RYR3: variants seen among roughly 807,000 people sequenced by gnomAD.
The protein encoded by RYR3 is brain ryanodine receptor-calcium release channel.
Under a neutral mutation model 584.3 loss-of-function variants are expected in RYR3, and 207 were observed. The observed-to-expected ratio is 0.35, with a 90% confidence interval of 0.32 to 0.40. The LOEUF (loss-of-function observed/expected upper bound fraction) is 0.40. Ranked by LOEUF, RYR3 falls within the 10% of genes least tolerant of loss-of-function variation. The pLI, the probability that RYR3 is intolerant of heterozygous loss-of-function variation, is 1.00. For synonymous variants in RYR3, 2,416 were observed against 2,248.5 expected, an observed-to-expected ratio of 1.07 and a Z score of -2.11; for missense variants, 5,616 against 6,089.2, an observed-to-expected ratio of 0.92 and a Z score of 2.59.
At chr15:33,492,750 G>A (rs1317718222) in intron 2 of RYR3, among the ~76,000 whole-genome samples, 2 of 152,088 alleles carry the variant, frequency 1.3e-5, no homozygotes, top group Non-Finnish European at 1.5e-5. Context: ...TGAGGAGACA[G>A]CCCCACCTCT....
Position 33,748,513 on chromosome 15 carries a change from C to G in RYR3, c.8182C>G (p.Leu2728Val). The G allele has an allele frequency of 6.2e-7, 1 of 1,613,018 alleles. No homozygotes were observed. Among genetic ancestry groups the G allele is most frequent in the Non-Finnish European group, 8.5e-7 (1 of 1,179,574 alleles). Residue 2728 changes from leucine (L) to valine (V), a missense_variant, in exon 55 of 104, where the codon CTC (leucine) becomes GTC (valine). Leu to Val is a conservative substitution (Grantham distance 32). This residue lies in a region of RYR3 where 1,280 missense variants were observed against 1,426.2 expected (regional missense o/e 0.90). Coordinates refer to ENST00000634891, the MANE Select transcript of RYR3 (RefSeq NM_001036.6). ...TCCCCTCGACCTCTCAAACGTTGTG[C>G]TCTCCAGAGAGCTCCAGGTCAGTGC... Reference protein sequence around the residue: ...PAPLDLSNVVLSRELQGMVEV... With the variant: ...PAPLDLSNVVVSRELQGMVEV...
At chr15:33,860,188 C>G (rs190194371) in intron 100 of RYR3, among the ~76,000 whole-genome samples, 11 of 152,114 alleles carry the variant, frequency 7.2e-5, no homozygotes, top group Admixed American at 2.0e-4. Flanking sequence ...GTGGAGGAAC[C>G]TGTAAGACAT....
chr15:33,335,440 A>G (rs1198011601), intron 1 of RYR3, among the ~76,000 whole-genome samples: 1 of 152,230 alleles, frequency 6.6e-6, no homozygotes, highest in Non-Finnish European at 1.5e-5. Flanking sequence ...AGAAAATCAA[A>G]TACTGCATGT....
intron 43 of RYR3, among the ~76,000 whole-genome samples, chr15:33,710,012 T>C (rs1219081711): frequency 6.6e-6 from 1 of 152,096 alleles, no homozygotes. Flanking sequence ...GAATAATGAG[T>C]TTCTAAATTA....
intron 19 of RYR3, among the ~76,000 whole-genome samples, chr15:33,622,435 G>C (rs1451770017): frequency 6.6e-6 from 1 of 152,126 alleles, no homozygotes; most frequent in Non-Finnish European, 1.5e-5. Flanking sequence ...GGCCTTCCTT[G>C]ACACCATCTC....
chr15:33,787,399 T>C (rs902919216), intron 66 of RYR3, among the ~76,000 whole-genome samples: 3 of 152,174 alleles, frequency 2.0e-5, no homozygotes, highest in Non-Finnish European at 4.4e-5. Flanking sequence ...ATTGCTGGAA[T>C]GCAAGCTGTT....
At chr15:33,351,135 T>C (rs1973190082) in intron 1 of RYR3, among the ~76,000 whole-genome samples, 1 of 152,144 alleles carries the variant, frequency 6.6e-6, no homozygotes, top group African/African-American at 2.4e-5. Context: ...CAAACACCTC[T>C]ACGCAAATAA....
chr15:33,843,418 CTGTG>C (rs2078509416), intron 91 of RYR3, 66 bp from the exon 92 acceptor site: 1 of 1,052,596 alleles, frequency 9.5e-7, no homozygotes, highest in Admixed American at 2.0e-5. Flanking sequence ...AACTGACCTT[CTGTG>C]TGAAAGTAGG....
chr15:33,733,909 T>C (rs113825117), intron 48 of RYR3, among the ~76,000 whole-genome samples: 2,667 of 152,290 alleles, frequency 0.018, 78 homozygotes, highest in African/African-American at 0.061. Flanking sequence ...AAATAAAGCC[T>C]GTTACAAAAC....
At chr15:33,604,318 T>C (rs184034164) in intron 18 of RYR3, among the ~76,000 whole-genome samples, 125 of 152,356 alleles carry the variant, frequency 8.2e-4, no homozygotes, top group Admixed American at 7.8e-3. Flanking sequence ...ATTTTCTTCC[T>C]TCCCTTAGCT....
At position 33,731,627 on chromosome 15, in the gene RYR3, T is replaced by A. The variant is rs1165710644; in HGVS notation, c.7357T>A (p.Ser2453Thr). 1.2e-6 allele frequency: 2 copies of A among 1,613,904 alleles called. No homozygotes were observed. The highest frequency in any genetic ancestry group is 2.2e-5 in the South Asian group (2 of 91,038). ...DSTLQTIYRL[S>T]KGRSLTKAQR... The stretch of plus-strand genomic sequence containing the variant: ...CACACTGCAGACAATATACAGGCTA[T>A]CCAAGGGACGTTCCCTCACCAAAGC... The change falls in exon 48 of 104, where the codon TCC becomes ACC. Residue 2453 changes from serine (S) to threonine (T), a missense_variant. Ser to Thr is a moderately conservative substitution (Grantham distance 58). This residue lies in a region of RYR3 where 1,280 missense variants were observed against 1,426.2 expected (regional missense o/e 0.90). Coordinates refer to ENST00000634891, the MANE Select transcript of RYR3 (RefSeq NM_001036.6).
chr15:33,416,626 C>T (rs2141555685), intron 1 of RYR3, among the ~76,000 whole-genome samples: 1 of 152,150 alleles, frequency 6.6e-6, no homozygotes, highest in South Asian at 2.1e-4. Context: ...ATATTTTCTC[C>T]TATTCTGTAG....
intron 67 of RYR3, among the ~76,000 whole-genome samples, chr15:33,795,292 G>A (rs1014732776): frequency 1.3e-5 from 2 of 152,014 alleles, no homozygotes; most frequent in Admixed American, 1.3e-4. Flanking sequence ...AACCAGCTGT[G>A]GTGTGCTCAG....
intron 86 of RYR3, among the ~76,000 whole-genome samples, chr15:33,832,885 G>A (rs751935248): frequency 3.3e-5 from 5 of 151,498 alleles, no homozygotes; most frequent in South Asian, 2.1e-4. Context: ...GCAGGTGCCT[G>A]TAATCCCAGC....
intron 3 of RYR3, among the ~76,000 whole-genome samples, chr15:33,526,242 T>A (rs2054376314): frequency 6.6e-6 from 1 of 152,198 alleles, no homozygotes; most frequent in Admixed American, 6.5e-5. Context: ...GTAATGGAAA[T>A]TAATTCTGAA....
At chr15:33,617,562 A>G (rs1039896923) in intron 19 of RYR3, among the ~76,000 whole-genome samples, 3 of 152,180 alleles carry the variant, frequency 2.0e-5, no homozygotes, top group Admixed American at 2.0e-4. Flanking sequence ...CCCATCATAG[A>G]AGTCTTCAGA....
At chr15:33,607,118 G>A (rs760818506) in intron 18 of RYR3, among the ~76,000 whole-genome samples, 1 of 152,106 alleles carries the variant, frequency 6.6e-6, no homozygotes, top group African/African-American at 2.4e-5. Flanking sequence ...GAAGAGCAGC[G>A]CTTTTCTGTC....
At chr15:33,743,743 C>T (rs1375833523) in intron 52 of RYR3, among the ~76,000 whole-genome samples, 5 of 152,180 alleles carry the variant, frequency 3.3e-5, no homozygotes, top group Admixed American at 2.6e-4. Flanking sequence ...AAGCTGCCAT[C>T]GTCTTTCACC....
chr15:33,609,682 T>A (rs948756274), intron 18 of RYR3, among the ~76,000 whole-genome samples: 1 of 152,170 alleles, frequency 6.6e-6, no homozygotes, highest in African/African-American at 2.4e-5. Flanking sequence ...TACAGTGATA[T>A]TTTCCAGAAG....
Sources: gnomAD v4.1 joint callset for allele counts (sites outside exome capture counted in the v4.1 genomes callset) on GRCh38, gnomAD v4.1.1 for gene constraint, gnomAD v4.1.1 regional missense constraint, MANE v1.5 for transcripts, NCBI Gene and HGNC (gene_info 2026-07-23, HGNC 2026-07-21) for gene names.